The following LOC400499 variants were observed in gnomAD, a reference collection of about 807,000 sequenced individuals.
chr16:11,430,335 A>G, the LOC400499 span, among the ~76,000 whole-genome samples: 1 of 152,048 alleles, frequency 6.6e-6, no homozygotes. Context: ...AAAATACAAA[A>G]AAAAATTAGC....
At chr16:11,386,527 C>A in the LOC400499 span, among the ~76,000 whole-genome samples, 3 of 152,246 alleles carry the variant, frequency 2.0e-5, no homozygotes, top group Non-Finnish European at 2.9e-5. Flanking sequence ...GCACTCCTTG[C>A]CAAGCCTGGG....
At chr16:11,443,490 A>AC in the LOC400499 span, 1 of 294,404 alleles carries the variant, frequency 3.4e-6, no homozygotes, top group Non-Finnish European at 6.3e-6. Flanking sequence ...AAAAAAAAAA[A>AC]AAGAGAGAGA....
chr16:11,465,519 C>G, the LOC400499 span: 3 of 152,090 alleles, frequency 2.0e-5, no homozygotes, highest in Non-Finnish European at 4.4e-5. Flanking sequence ...TAAGTTCCGT[C>G]CAGGTACCCT....
the LOC400499 span, among the ~76,000 whole-genome samples, chr16:11,513,096 T>A: frequency 1.3e-5 from 2 of 152,288 alleles, no homozygotes; most frequent in Middle Eastern, 6.8e-3. Flanking sequence ...ACAGGTCACT[T>A]ATACGAAAAA....
At chr16:11,462,656 C>G in the LOC400499 span, among the ~76,000 whole-genome samples, 2 of 152,146 alleles carry the variant, frequency 1.3e-5, no homozygotes, top group Non-Finnish European at 2.9e-5. Flanking sequence ...GTCCTGAGCA[C>G]AAGTGATCCA....
chr16:11,403,468 CACATGAGCACACAT>C, the LOC400499 span, among the ~76,000 whole-genome samples: 1 of 148,608 alleles, frequency 6.7e-6, no homozygotes, highest in Non-Finnish European at 1.5e-5. Flanking sequence ...CACACATACA[CACATGAGCACACAT>C]ACACTCATGA....
chr16:11,449,035 C>T, the LOC400499 span: 6 of 1,513,924 alleles, frequency 4.0e-6, 1 homozygote, highest in Non-Finnish European at 2.7e-6. Context: ...CCCTGCACTG[C>T]TGCGTTCCAG....
At chr16:11,454,679 T>C in the LOC400499 span, among the ~76,000 whole-genome samples, 1 of 152,234 alleles carries the variant, frequency 6.6e-6, no homozygotes, top group Non-Finnish European at 1.5e-5. Context: ...CCTTCAGAAC[T>C]GTGAAAGAAC....
chr16:11,491,170 C>T, the LOC400499 span, among the ~76,000 whole-genome samples: 9 of 152,326 alleles, frequency 5.9e-5, no homozygotes, highest in East Asian at 9.6e-4. Context: ...AGAGGTGAAG[C>T]TGGGATTTGA....
At chr16:11,415,615 G>A in the LOC400499 span, among the ~76,000 whole-genome samples, 1 of 152,172 alleles carries the variant, frequency 6.6e-6, no homozygotes, top group African/African-American at 2.4e-5. Flanking sequence ...GGAGACAGGG[G>A]ACACAATCCC....
At chr16:11,404,717 G>A in the LOC400499 span, 1 of 398,926 alleles carries the variant, frequency 2.5e-6, no homozygotes, top group Non-Finnish European at 4.4e-6. Flanking sequence ...GCAGGCTGAG[G>A]TTCCTGGTGG....
chr16:11,405,782 G>A, the LOC400499 span, among the ~76,000 whole-genome samples: 1 of 152,142 alleles, frequency 6.6e-6, no homozygotes, highest in Non-Finnish European at 1.5e-5. Flanking sequence ...AGCAGCCAGA[G>A]GGATCTGAAA....
the LOC400499 span, among the ~76,000 whole-genome samples, chr16:11,377,602 A>T: frequency 1.3e-5 from 2 of 152,250 alleles, no homozygotes; most frequent in Non-Finnish European, 2.9e-5. Flanking sequence ...TTAATGTGAT[A>T]TCTTACATTG....
chr16:11,415,960 G>T, the LOC400499 span, among the ~76,000 whole-genome samples: 16 of 146,346 alleles, frequency 1.1e-4, no homozygotes, highest in East Asian at 6.0e-4. Context: ...TTGTTGTTTT[G>T]TTTTTTTTTT....
chr16:11,479,156 A>C, the LOC400499 span, among the ~76,000 whole-genome samples: 1 of 152,244 alleles, frequency 6.6e-6, no homozygotes, highest in African/African-American at 2.4e-5. Context: ...AGAAAGGTCA[A>C]GAACTTGTGG....
At chr16:11,474,122 G>C in the LOC400499 span, among the ~76,000 whole-genome samples, 1 of 152,228 alleles carries the variant, frequency 6.6e-6, no homozygotes, top group Non-Finnish European at 1.5e-5. Flanking sequence ...GCCTCCCGAA[G>C]TGTGGGGATT....
the LOC400499 span, chr16:11,385,341 CCGCACTGGGTGCTGA>C: frequency 6.5e-6 from 8 of 1,232,310 alleles, no homozygotes; most frequent in Non-Finnish European, 8.1e-6. Flanking sequence ...GAGGATGCTG[CCGCACTGGGTGCTGA>C]GGTCCCATAC....
At chr16:11,412,109 C>A in the LOC400499 span, among the ~76,000 whole-genome samples, 1 of 152,138 alleles carries the variant, frequency 6.6e-6, no homozygotes, top group Non-Finnish European at 1.5e-5. Flanking sequence ...AAGCAATCCT[C>A]CCACCTCGAC....
At chr16:11,464,612 A>T in the LOC400499 span, among the ~76,000 whole-genome samples, 1 of 152,170 alleles carries the variant, frequency 6.6e-6, no homozygotes, top group Non-Finnish European at 1.5e-5. Flanking sequence ...CGTATTCATG[A>T]GCTCATCTGC....
Sources: gnomAD v4.1 joint callset for allele counts (sites outside exome capture counted in the v4.1 genomes callset) on GRCh38, gnomAD v4.1.1 for gene constraint, MANE v1.5 for transcripts.